The following ATM variants were observed in gnomAD, a reference collection of about 807,000 sequenced individuals.
ATM encodes the protein ATM serine/threonine kinase, also known as serine-protein kinase ATM.
Under a neutral mutation model 387.0 loss-of-function variants are expected in ATM, and 308 were observed. The ratio of observed to expected loss-of-function variants is 0.80; its 90% CI spans 0.73 to 0.87. The LOEUF (loss-of-function observed/expected upper bound fraction) is 0.87. Among genes scored for constraint, ATM ranks in the 40% least tolerant of loss-of-function variants. ATM has a pLI of 0.00. For synonymous variants in ATM, 1,156 were observed against 1,187.3 expected (o/e 0.97, Z 0.54); for missense variants, 3,312 against 3,560.9 (o/e 0.93, Z 1.78).
At chr11:108,242,016 A>C (rs1345353859) in intron 5 of ATM, among the ~76,000 whole-genome samples, 1 of 151,888 alleles carries the variant, frequency 6.6e-6, no homozygotes. Flanking sequence ...CACCGTTCTC[A>C]GCTCCTCGAT....
chr11:108,283,151 G>A (rs1245601636), intron 25 of ATM, among the ~76,000 whole-genome samples: 3 of 152,194 alleles, frequency 2.0e-5, no homozygotes, highest in African/African-American at 7.2e-5. Flanking sequence ...TTTTTAATAT[G>A]TAAAGTAAGC....
At chr11:108,235,290 C>T (rs1322396745) in intron 4 of ATM, among the ~76,000 whole-genome samples, 8 of 140,978 alleles carry the variant, frequency 5.7e-5, no homozygotes, top group Admixed American at 5.6e-4. Context: ...ACCAAGATTC[C>T]ATCTCAAAAA....
intron 61 of ATM, chr11:108,355,926 T>G (rs1335768596): frequency 6.6e-6 from 1 of 152,220 alleles, no homozygotes; most frequent in Non-Finnish European, 1.5e-5. Context: ...AGATCTCCTT[T>G]GGACTGCAGA....
rs1591524556 is a variant in ATM at position 108,250,991 on chromosome 11, G to C, written c.1526G>C (p.Gly509Ala). 1.2e-6 allele frequency: 2 copies of C among 1,614,092 alleles called. No homozygotes were observed. The highest frequency in any genetic ancestry group is 1.7e-6 in the Non-Finnish European group (2 of 1,180,002). Residue 509 changes from glycine (G) to alanine (A), a missense_variant, in exon 10 of 63, where the codon GGA becomes GCA. Physicochemically the swap from Gly to Ala is moderately conservative, Grantham distance 60 (BLOSUM62 0). This residue lies in a region of ATM where 1,791 missense variants were observed against 1,804.5 expected (regional missense o/e 0.99). Coordinates refer to ENST00000675843, the MANE Select transcript of ATM (RefSeq NM_000051.4). ...QIQAENFGLL[G>A]AIIQGSLVEV... ...CAAGCTGAAAACTTTGGCTTACTTGGAGCCATAATTCAGGGTAGTTTAGTT... is the reference window on the plus strand; with the variant it reads ...CAAGCTGAAAACTTTGGCTTACTTGCAGCCATAATTCAGGGTAGTTTAGTT...
At chr11:108,278,348 C>T (rs916534806) in intron 22 of ATM, among the ~76,000 whole-genome samples, 7 of 152,100 alleles carry the variant, frequency 4.6e-5, no homozygotes, top group African/African-American at 1.7e-4. Context: ...GTATGCTGAA[C>T]TTTAAGGACT....
In ATM at chr11:108,243,931, A is replaced by G. The variant is rs1202120639; in HGVS notation, c.497-22A>G. On this transcript the variant is annotated intron_variant, in intron 5 of 62. Transcript: ENST00000675843. ...TTTGATTTTTAAAAAATCATGACTAATAATTTTTTTTTTTTTTTAAGAATT... is the reference window on the plus strand; with the variant it reads ...TTTGATTTTTAAAAAATCATGACTAGTAATTTTTTTTTTTTTTTAAGAATT... 3.5e-6 allele frequency: 5 copies of G among 1,431,212 alleles called. No homozygotes were observed. Among genetic ancestry groups the G allele is most frequent in the Non-Finnish European group, 4.8e-6 (5 of 1,046,026 alleles). 88.7% of individuals were successfully genotyped at this position (1,431,212 alleles called of 1,614,324 possible).
In ATM at chr11:108,289,073, A is replaced by T; in HGVS notation, c.4206A>T (p.Lys1402Asn). 6.2e-7 allele frequency: 1 copy of T among 1,611,648 alleles called. No individual in the cohort carries two copies. Among genetic ancestry groups the T allele is most frequent in the Non-Finnish European group, 8.5e-7 (1 of 1,177,958 alleles). ...GCAATTGTCATAAAACCAAGTTAAA[A>T]AGCATTTTAGAAATTCTTTCCAAAA... is the stretch of plus-strand genomic sequence containing the variant. ...YISNCHKTKL[K>N]SILEILSKSP... Residue 1402 changes from lysine (K) to asparagine (N), a missense_variant, in exon 28 of 63, where the codon AAA (lysine) becomes AAT (asparagine). Physicochemically the swap from Lys to Asn is moderately conservative, Grantham distance 94. Coordinates refer to ENST00000675843, the MANE Select transcript of ATM (RefSeq NM_000051.4).
intron 27 of ATM, 74 bp from the exon 28 acceptor site, chr11:108,288,903 A>G: frequency 1.9e-6 from 3 of 1,564,640 alleles, no homozygotes; most frequent in Non-Finnish European, 2.6e-6. Flanking sequence ...CTAAATTTTC[A>G]TTTTGGAAGT....
At chr11:108,317,624 T>C in intron 43 of ATM, 103 bp downstream of exon 43, 2 of 64,926 alleles carry the variant, frequency 3.1e-5, no homozygotes, top group Non-Finnish European at 5.7e-5. Flanking sequence ...TTTATATATA[T>C]ATATATATAT....
At chr11:108,343,452 A>C (rs1029372168) in intron 57 of ATM, 81 bp downstream of exon 57, 2 of 1,543,210 alleles carry the variant, frequency 1.3e-6, no homozygotes, top group African/African-American at 2.8e-5. Context: ...ATATTATAGA[A>C]TACAAAAAAA....
chr11:108,335,130 C>G, intron 55 of ATM, 21 bp downstream of exon 55: 1 of 1,613,800 alleles, frequency 6.2e-7, no homozygotes. Context: ...CCTTCTCTGG[C>G]TTAGCCCTTA....
At chr11:108,359,474 C>G (rs1386672061) in intron 61 of ATM, among the ~76,000 whole-genome samples, 2 of 152,032 alleles carry the variant, frequency 1.3e-5, no homozygotes, top group Non-Finnish European at 2.9e-5. Context: ...ACTCTCCACC[C>G]CAAATCAACA....
chr11:108,324,178 C>T (rs7116971), intron 45 of ATM, among the ~76,000 whole-genome samples: 1,668 of 152,146 alleles, frequency 0.011, 37 homozygotes, highest in African/African-American at 0.038. Context: ...TACACGTAAT[C>T]TAGAGGTTAT....
chr11:108,352,245 C>G (rs1376289745), intron 59 of ATM, among the ~76,000 whole-genome samples: 1 of 152,118 alleles, frequency 6.6e-6, no homozygotes, highest in Non-Finnish European at 1.5e-5. Flanking sequence ...CATAAAAACA[C>G]TGAAGGAACA....
chr11:108,236,167 C>G, intron 5 of ATM: 1 of 343,380 alleles, frequency 2.9e-6, no homozygotes, highest in South Asian at 2.6e-5. Context: ...TATTTGGGTT[C>G]AGTAGGTATA....
chr11:108,302,928 A>G lies in ATM; in HGVS notation c.5395A>G (p.Ser1799Gly), dbSNP rs2083501896. Residue 1799 changes from serine to glycine, a missense_variant, in exon 36 of 63, where the codon AGT (serine) becomes GGT (glycine). This residue lies in a region of ATM where 1,405 missense variants were observed against 1,604.4 expected (regional missense o/e 0.88). Coordinates refer to ENST00000675843, the MANE Select transcript of ATM (RefSeq NM_000051.4). ...TGATATAAATCTGTGGATTCCTCTAAGTGAAAATCATGACATTTGGATAAA... is the reference window on the plus strand; with the variant it reads ...TGATATAAATCTGTGGATTCCTCTAGGTGAAAATCATGACATTTGGATAAA... ...LDDINLWIPL[S>G]ENHDIWIKTL... 4 of 1,613,478 alleles carry G rather than the reference A, an allele frequency of 2.5e-6. No homozygotes were observed. The highest frequency in any genetic ancestry group is 3.4e-6 in the Non-Finnish European group (4 of 1,179,488).
rs1591533635 is a variant in ATM, at chr11:108,253,805, T to G, written c.1899-9T>G. On this transcript the variant is annotated splice_polypyrimidine_tract_variant and intron_variant, in intron 12 of 62. Transcript: ENST00000675843. Reference sequence around the variant, plus strand: ...TGGTTTATATATTAAAGATCTTACTTTCTTGAAGTGAACACCACCAAAAAG... The same window carrying G: ...TGGTTTATATATTAAAGATCTTACTGTCTTGAAGTGAACACCACCAAAAAG... 6.2e-7 allele frequency: 1 copy of G among 1,607,632 alleles called. No individual in the cohort carries two copies. Among genetic ancestry groups the G allele is most frequent in the African/African-American group, 1.3e-5 (1 of 74,920 alleles).
At position 108,264,146 on chromosome 11, in the gene ATM, A is replaced by C. The variant is rs1337545443; in HGVS notation, c.2467-3025A>C. Among the ~76,000 whole-genome samples, 538 of 150,690 alleles carry C rather than the reference A, an allele frequency of 3.6e-3. 5 individuals are homozygous for C. Among genetic ancestry groups the C allele is most frequent in the African/African-American group, 0.012 (484 of 40,138 alleles). On this transcript the variant is annotated intron_variant, in intron 16 of 62. Transcript: ENST00000675843. ...ACTCATTTTATGAGGCCAGCATCAT[A>C]CTGATACCAAAGCCAGGCAGAGACA...
chr11:108,257,429 A>T, intron 14 of ATM, 52 bp from the exon 15 acceptor site: 1 of 1,597,184 alleles, frequency 6.3e-7, no homozygotes, highest in Non-Finnish European at 8.5e-7. Flanking sequence ...AAAAAGCAAT[A>T]CTAAACTATA....
Sources: gnomAD v4.1 joint callset for allele counts (sites outside exome capture counted in the v4.1 genomes callset) on GRCh38, gnomAD v4.1.1 for gene constraint, gnomAD v4.1.1 regional missense constraint, MANE v1.5 for transcripts, NCBI Gene and HGNC (gene_info 2026-07-23, HGNC 2026-07-21) for gene names.